SEC24D: variants seen among roughly 807,000 people sequenced by gnomAD.
SEC24D encodes SEC24 homolog D, COPII component.
Under a neutral mutation model 116.9 loss-of-function variants are expected in SEC24D, and 69 were observed. The ratio of observed to expected loss-of-function variants is 0.59; its 90% CI spans 0.49 to 0.72. The LOEUF (loss-of-function observed/expected upper bound fraction) is 0.72, where lower values mean the gene tolerates loss of function less well. Among genes scored for constraint, SEC24D ranks in the 30% least tolerant of loss-of-function variants. The pLI, the probability that SEC24D is intolerant of heterozygous loss-of-function variation, is 0.00. For synonymous variants in SEC24D, 405 were observed against 442.8 expected (o/e 0.91, Z 1.07); for missense variants, 1,131 against 1,264.1 (o/e 0.89, Z 1.60).
Position 118,833,561 on chromosome 4 carries a change from C to A in SEC24D, c.118+18G>T. ...GAGAACTGAATAATCACATACAAGT[C>A]AAAATAACACACTGTACCTGTTGGA... On this transcript the variant is annotated intron_variant, in intron 2 of 22. Coordinates refer to ENST00000280551, the MANE Select transcript of SEC24D (RefSeq NM_014822.4). The A allele has an allele frequency of 6.5e-7, 1 of 1,539,892 alleles. No individual in the cohort carries two copies. The highest frequency in any genetic ancestry group is 1.1e-5 in the South Asian group (1 of 87,430).
chr4:118,825,644 A>G, intron 2 of SEC24D: 1 of 450,254 alleles, frequency 2.2e-6, no homozygotes, highest in Non-Finnish European at 4.4e-6. Flanking sequence ...CTTAGACTAG[A>G]TTACCTGAGA....
In SEC24D at chr4:118,769,368, A is replaced by T. The variant is rs1276065524; in HGVS notation, c.1042-1057T>A. On this transcript the variant is annotated intron_variant, in intron 8 of 22. Transcript: ENST00000280551. Reference sequence around the variant, plus strand: ...CCAACTCTTCTGGCTTTCGGGAGAAAACCACAGAGATACTTGTTTTTGTAA... The same window carrying T: ...CCAACTCTTCTGGCTTTCGGGAGAATACCACAGAGATACTTGTTTTTGTAA... Among the ~76,000 whole-genome samples, 2 of 152,220 alleles carry T rather than the reference A, an allele frequency of 1.3e-5. 1 individual carries two copies. Among genetic ancestry groups the T allele is most frequent in the African/African-American group, 4.8e-5 (2 of 41,454 alleles).
At chr4:118,832,057 C>T (rs1730883462) in intron 2 of SEC24D, among the ~76,000 whole-genome samples, 1 of 151,850 alleles carries the variant, frequency 6.6e-6, no homozygotes, top group Non-Finnish European at 1.5e-5. Flanking sequence ...ACAAAAATTA[C>T]CCAGGCATGG....
At chr4:118,783,028 G>A (rs1728491740) in intron 8 of SEC24D, among the ~76,000 whole-genome samples, 1 of 152,192 alleles carries the variant, frequency 6.6e-6, no homozygotes, top group South Asian at 2.1e-4. Context: ...CCTTGGCTAG[G>A]AAAGGGAAAT....
chr4:118,753,926 A>C (rs1044259240), intron 11 of SEC24D: 4 of 152,280 alleles, frequency 2.6e-5, no homozygotes, highest in Middle Eastern at 3.4e-3. Flanking sequence ...CAGCTTCTAA[A>C]TTTTGCATAC....
Position 118,833,621 on chromosome 4 carries a change from A to G in SEC24D, c.76T>C (p.Tyr26His), listed in dbSNP as rs1730968815. 6 of 1,614,014 alleles carry G rather than the reference A, an allele frequency of 3.7e-6. No homozygotes were observed. Among genetic ancestry groups the G allele is most frequent in the South Asian group, 1.1e-5 (1 of 91,070 alleles). Residue 26 changes from tyrosine to histidine, a missense_variant, in exon 2 of 23, where the codon TAT becomes CAT. By Grantham distance (83) the Tyr-to-His change is moderately conservative (BLOSUM62 2). Coordinates refer to ENST00000280551, the MANE Select transcript of SEC24D (RefSeq NM_014822.4). The stretch of plus-strand genomic sequence containing the variant: ...TGCGACGGATCCCCATAGTGCCCAT[A>G]ATGAGGTGGAGAAAGGCCTATTCCA... ...QPGIGLSPPHYGHYGDPSHTA... is the reference protein window; with the variant it reads ...QPGIGLSPPHHGHYGDPSHTA...
intron 6 of SEC24D, among the ~76,000 whole-genome samples, chr4:118,812,250 C>CTAA (rs1215938531): frequency 6.6e-6 from 1 of 152,060 alleles, no homozygotes; most frequent in Admixed American, 6.6e-5. Flanking sequence ...TGTCCATGTC[C>CTAA]TAATCTCTGA....
intron 21 of SEC24D, chr4:118,730,432 A>G (rs1725624563): frequency 6.6e-6 from 1 of 152,206 alleles, no homozygotes; most frequent in Admixed American, 6.5e-5. Context: ...TTGAATTTTA[A>G]TCTTGCCTCT....
intron 13 of SEC24D, among the ~76,000 whole-genome samples, chr4:118,748,206 C>T (rs995295035): frequency 6.6e-6 from 1 of 151,862 alleles, no homozygotes; most frequent in African/African-American, 2.4e-5. Flanking sequence ...GTGGAGGTTG[C>T]AGTGAGCCGA....
chr4:118,790,053 T>C (rs1254906005), intron 8 of SEC24D, among the ~76,000 whole-genome samples: 3 of 152,226 alleles, frequency 2.0e-5, no homozygotes, highest in Non-Finnish European at 2.9e-5. Context: ...TATTAAGTCC[T>C]AGGCAAGAGT....
chr4:118,810,710 G>T (rs1229306847), intron 6 of SEC24D, among the ~76,000 whole-genome samples: 1 of 152,168 alleles, frequency 6.6e-6, no homozygotes, highest in Non-Finnish European at 1.5e-5. Context: ...GCTCCCAGAT[G>T]ATGCTGATGG....
chr4:118,785,502 A>C (rs909549830), intron 8 of SEC24D, among the ~76,000 whole-genome samples: 6 of 152,200 alleles, frequency 3.9e-5, no homozygotes, highest in African/African-American at 1.4e-4. Flanking sequence ...CTTGGGAAGT[A>C]TCCCAAAAGC....
At chr4:118,772,094 A>G (rs180931528) in intron 8 of SEC24D, among the ~76,000 whole-genome samples, 17 of 152,348 alleles carry the variant, frequency 1.1e-4, no homozygotes, top group Admixed American at 5.9e-4. Flanking sequence ...AAAAATCTGT[A>G]TCAAGTTTGT....
At chr4:118,748,245 G>A (rs1726644659) in intron 13 of SEC24D, among the ~76,000 whole-genome samples, 1 of 151,764 alleles carries the variant, frequency 6.6e-6, no homozygotes, top group African/African-American at 2.4e-5. Flanking sequence ...CACCCTGGGT[G>A]ACAGAATTAG....
chr4:118,799,998 G>A lies in SEC24D; in HGVS notation c.914-2188C>T, dbSNP rs756169917. 4.6e-5 allele frequency among the ~76,000 whole-genome samples: 7 copies of A among 152,260 alleles called. No homozygotes were observed. In the East Asian group the frequency reaches 1.2e-3, roughly 25 times the overall value. ...AAAGAAAAATACTGATGATTTAAGA[G>A]GAAGAGGGGAAACTTACTGTGGAAA... On this transcript the variant is annotated intron_variant, in intron 7 of 22. Coordinates refer to ENST00000280551, the MANE Select transcript of SEC24D (RefSeq NM_014822.4).
chr4:118,767,688 C>A (rs1358748843), intron 9 of SEC24D, among the ~76,000 whole-genome samples: 9 of 151,958 alleles, frequency 5.9e-5, no homozygotes, highest in African/African-American at 2.2e-4. Flanking sequence ...ATGTTCCTTC[C>A]TCCTTAAACA....
chr4:118,748,564 A>G (rs1726661478), intron 13 of SEC24D, among the ~76,000 whole-genome samples: 1 of 152,178 alleles, frequency 6.6e-6, no homozygotes, highest in African/African-American at 2.4e-5. Flanking sequence ...GCCATATATC[A>G]TTCTTAACAT....
chr4:118,788,096 A>C (rs1728733632), intron 8 of SEC24D, among the ~76,000 whole-genome samples: 1 of 152,180 alleles, frequency 6.6e-6, no homozygotes, highest in South Asian at 2.1e-4. Flanking sequence ...TGGGATTACA[A>C]GTGTCAGCCA....
At chr4:118,781,102 T>C (rs1728386873) in intron 8 of SEC24D, among the ~76,000 whole-genome samples, 1 of 152,182 alleles carries the variant, frequency 6.6e-6, no homozygotes, top group African/African-American at 2.4e-5. Context: ...AGGTTAATAC[T>C]GTTATGTGTG....
Sources: gnomAD v4.1 joint callset for allele counts (sites outside exome capture counted in the v4.1 genomes callset) on GRCh38, gnomAD v4.1.1 for gene constraint, MANE v1.5 for transcripts, NCBI Gene and HGNC (gene_info 2026-07-23, HGNC 2026-07-21) for gene names.